Variants in LINGO2 observed in about 807,000 individuals in gnomAD.
LINGO2 encodes the protein leucine-rich repeat and immunoglobulin-like domain-containing nogo receptor-interacting protein 2.
Under a neutral mutation model 30.6 loss-of-function variants are expected in LINGO2, and 14 were observed. The ratio of observed to expected loss-of-function variants is 0.46; its 90% CI spans 0.30 to 0.72. LINGO2 has a LOEUF of 0.72. Ranked by LOEUF, LINGO2 falls within the 30% of genes least tolerant of loss-of-function variation. The probability of loss-of-function intolerance (pLI) is 0.07; values close to 1 mark genes in which losing one functional copy is unlikely to be tolerated. For synonymous variants in LINGO2, 317 were observed against 288.5 expected (o/e 1.10, Z -1.00); for missense variants, 729 against 751.7 (o/e 0.97, Z 0.35).
the LINGO2 span, among the ~76,000 whole-genome samples, chr9:28,992,199 AG>A: frequency 6.6e-6 from 1 of 151,954 alleles, no homozygotes; most frequent in Non-Finnish European, 1.5e-5. Flanking sequence ...AAACAAAAAA[AG>A]GCAGGGGTTG....
the LINGO2 span, among the ~76,000 whole-genome samples, chr9:28,755,406 G>A: frequency 6.6e-6 from 1 of 151,978 alleles, no homozygotes; most frequent in East Asian, 1.9e-4. Flanking sequence ...ATAATACATG[G>A]AATAACATTT....
intron 4 of LINGO2, among the ~76,000 whole-genome samples, chr9:28,075,356 G>A (rs1825593119): frequency 6.6e-6 from 1 of 151,732 alleles, no homozygotes; most frequent in Non-Finnish European, 1.5e-5. Context: ...CCATACTATT[G>A]TTGATAGAAA....
At chr9:28,602,686 A>T (rs1429937742) in intron 1 of LINGO2, among the ~76,000 whole-genome samples, 1 of 152,090 alleles carries the variant, frequency 6.6e-6, no homozygotes, top group South Asian at 2.1e-4. Context: ...TCAGAGAAAT[A>T]AAAGTCTTCC....
intron 2 of LINGO2, among the ~76,000 whole-genome samples, chr9:28,430,109 C>CGCGCGTGCACGCGCGCGCGCGTGT (rs569701444): frequency 7.3e-6 from 1 of 136,098 alleles, no homozygotes; most frequent in Non-Finnish European, 1.7e-5. Flanking sequence ...CGCGCGCGCG[C>CGCGCGTGCACGCGCGCGCGCGTGT]GTGTGTGTGT....
intron 2 of LINGO2, among the ~76,000 whole-genome samples, chr9:28,401,727 G>C (rs1272466390): frequency 6.6e-6 from 1 of 152,044 alleles, no homozygotes; most frequent in African/African-American, 2.4e-5. Context: ...TTCCACAATG[G>C]TTGAACTAAT....
In LINGO2 at chr9:28,015,320, T is replaced by C. The variant is rs565364777; in HGVS notation, c.-86-2915A>G. 5.3e-5 allele frequency among the ~76,000 whole-genome samples: 8 copies of C among 152,264 alleles called. No homozygotes were observed. In the South Asian group the frequency reaches 8.3e-4, roughly 16 times the overall value. The stretch of plus-strand genomic sequence containing the variant: ...TAGTATTGAGAAAAGGTTCCACTTC[T>C]GTACATGGAGCTTACAAATTTTTTA... On this transcript the variant is annotated intron_variant, in intron 4 of 5. Transcript: ENST00000379992.
chr9:28,143,926 T>G (rs878923452), intron 4 of LINGO2, among the ~76,000 whole-genome samples: 1 of 152,200 alleles, frequency 6.6e-6, no homozygotes, highest in Admixed American at 6.5e-5. Context: ...TAAAAACTTT[T>G]GTTGTGACTT....
the LINGO2 span, among the ~76,000 whole-genome samples, chr9:28,731,990 A>G: frequency 1.3e-5 from 2 of 152,194 alleles, no homozygotes; most frequent in Admixed American, 6.5e-5. Context: ...TAGTATAACC[A>G]TGATTCTAAA....
At chr9:28,361,702 T>C (rs1702620166) in intron 3 of LINGO2, among the ~76,000 whole-genome samples, 1 of 152,180 alleles carries the variant, frequency 6.6e-6, no homozygotes, top group South Asian at 2.1e-4. Flanking sequence ...TTTTTGCAGA[T>C]TGTGAAACCT....
intron 4 of LINGO2, among the ~76,000 whole-genome samples, chr9:28,249,857 T>C (rs1822132692): frequency 6.6e-6 from 1 of 152,196 alleles, no homozygotes. Flanking sequence ...CTTGAAGTGA[T>C]AGAAGAAATA....
the LINGO2 span, among the ~76,000 whole-genome samples, chr9:29,132,547 A>C: frequency 1.3e-5 from 2 of 152,130 alleles, no homozygotes; most frequent in Non-Finnish European, 2.9e-5. Flanking sequence ...ACCTCTAGAG[A>C]GTATTTAAGC....
At chr9:27,940,824 A>G in the LINGO2 span, 1 of 152,228 alleles carries the variant, frequency 6.6e-6, no homozygotes, top group South Asian at 2.1e-4. Context: ...CACTGAGTTA[A>G]AAGTATGTTT....
the LINGO2 span, among the ~76,000 whole-genome samples, chr9:28,982,431 T>A: frequency 5.1e-3 from 779 of 152,132 alleles, 10 homozygotes; most frequent in African/African-American, 0.018. Context: ...ACAATGCAGA[T>A]CAAGGCCACA....
chr9:28,180,175 C>T (rs1168204860), intron 4 of LINGO2, among the ~76,000 whole-genome samples: 2 of 152,050 alleles, frequency 1.3e-5, no homozygotes, highest in Non-Finnish European at 2.9e-5. Context: ...AAAGCAAAAC[C>T]GTCTGCTTTA....
Position 28,148,600 on chromosome 9 carries a change from G to A in LINGO2, c.-86-136195C>T, listed in dbSNP as rs927159300. 5.6e-5 allele frequency: 85 copies of A among 1,510,018 alleles called. No homozygotes were observed. The highest frequency in any genetic ancestry group is 7.1e-5 in the Non-Finnish European group (80 of 1,124,612). 93.5% of individuals were successfully genotyped at this position (1,510,018 alleles called of 1,614,324 possible). On this transcript the variant is annotated intron_variant, in intron 4 of 5. Coordinates refer to ENST00000379992, the Ensembl canonical transcript of LINGO2. The surrounding 1 kb of genome is among the most constrained non-coding windows in gnomAD (Gnocchi z 5.1). ...TCACTTCCTCCTGGTACAATCCCAG[G>A]CCCTTGGAGGGAAATGTCCACCTCA...
chr9:28,612,026 C>T (rs1485262193), intron 1 of LINGO2, among the ~76,000 whole-genome samples: 1 of 151,784 alleles, frequency 6.6e-6, no homozygotes, highest in African/African-American at 2.4e-5. Flanking sequence ...TCCTCGGCCT[C>T]CCAAAGTGCT....
chr9:28,135,964 A>G (rs1827505881), intron 4 of LINGO2, among the ~76,000 whole-genome samples: 1 of 152,138 alleles, frequency 6.6e-6, no homozygotes, highest in Non-Finnish European at 1.5e-5. Context: ...AGAGGTCTGT[A>G]TAGTCCAGCA....
chr9:28,392,397 C>T (rs1340952512), intron 2 of LINGO2, among the ~76,000 whole-genome samples: 1 of 152,168 alleles, frequency 6.6e-6, no homozygotes, highest in African/African-American at 2.4e-5. Flanking sequence ...TATTCACTAG[C>T]TGTTTGCTCA....
rs1024945110 is a variant in LINGO2, at chr9:28,266,328, CTTATAAG to C, written c.-87+28873_-87+28879del. 1.8e-3 allele frequency among the ~76,000 whole-genome samples: 268 copies of C among 152,050 alleles called. 2 individuals carry two copies. Among genetic ancestry groups the C allele is most frequent in the African/African-American group, 6.3e-3 (262 of 41,508 alleles). The stretch of plus-strand genomic sequence containing the variant: ...AAGAAAGAACTTCACTCAGAGGATT[CTTATAAG>C]AAAGTTACAATTTTCAAGTGAGCTT... On this transcript the variant is annotated intron_variant, in intron 4 of 5. Transcript: ENST00000379992.
Sources: allele counts gnomAD v4.1 joint callset (sites outside exome capture counted in the v4.1 genomes callset), GRCh38; gene constraint gnomAD v4.1.1; non-coding constraint Gnocchi (gnomAD v3.1); transcripts MANE v1.5; gene names NCBI Gene and HGNC (gene_info 2026-07-23, HGNC 2026-07-21).